Variants in CA10 observed in about 807,000 individuals in gnomAD.
CA10 encodes carbonic anhydrase 10 (inactive).
CA10 carries 14 observed loss-of-function variants against 44.2 expected under a neutral mutation model. The ratio of observed to expected loss-of-function variants is 0.32; its 90% CI spans 0.21 to 0.50. The LOEUF (loss-of-function observed/expected upper bound fraction) is 0.50. Among genes scored for constraint, CA10 ranks in the 20% least tolerant of loss-of-function variants. The probability of loss-of-function intolerance (pLI) is 0.99; values close to 1 mark genes in which losing one functional copy is unlikely to be tolerated. For synonymous variants in CA10, 159 were observed against 141.6 expected (o/e 1.12, Z -0.87); for missense variants, 350 against 409.7 (o/e 0.85, Z 1.26).
chr17:51,809,611 G>A (rs16950555), intron 3 of CA10, among the ~76,000 whole-genome samples: 3,812 of 152,236 alleles, frequency 0.025, 153 homozygotes, highest in African/African-American at 0.086. Flanking sequence ...TGATACAGAC[G>A]ACGGATGCTG....
chr17:51,732,141 C>T (rs188478819), intron 4 of CA10, among the ~76,000 whole-genome samples: 37 of 152,262 alleles, frequency 2.4e-4, no homozygotes, highest in African/African-American at 7.5e-4. Flanking sequence ...CTAATGTTAA[C>T]GCCTGAGCAA....
At chr17:51,712,761 G>T (rs1158278770) in intron 4 of CA10, among the ~76,000 whole-genome samples, 1 of 152,218 alleles carries the variant, frequency 6.6e-6, no homozygotes, top group Non-Finnish European at 1.5e-5. Context: ...AATAAAACAG[G>T]TGTTGGCCAT....
At chr17:52,027,210 C>T (rs182144154) in intron 2 of CA10, among the ~76,000 whole-genome samples, 29 of 152,130 alleles carry the variant, frequency 1.9e-4, no homozygotes, top group African/African-American at 6.5e-4. Flanking sequence ...GAATCTAATG[C>T]AGCTACTGAT....
chr17:51,650,105 T>C (rs1055304721), intron 5 of CA10, among the ~76,000 whole-genome samples: 3 of 152,176 alleles, frequency 2.0e-5, no homozygotes, highest in Non-Finnish European at 4.4e-5. Flanking sequence ...TATGCCCTTA[T>C]AGCTTCAAAT....
At chr17:51,881,731 A>C (rs1980385352) in intron 3 of CA10, among the ~76,000 whole-genome samples, 1 of 152,204 alleles carries the variant, frequency 6.6e-6, no homozygotes, top group African/African-American at 2.4e-5. Flanking sequence ...TTCCCATATT[A>C]AGTTGTCAAA....
At chr17:51,769,958 A>G (rs1182158549) in intron 3 of CA10, among the ~76,000 whole-genome samples, 1 of 152,106 alleles carries the variant, frequency 6.6e-6, no homozygotes, top group Non-Finnish European at 1.5e-5. Flanking sequence ...CTGAGGCCAT[A>G]AAGTTGCTAC....
chr17:51,776,319 G>A (rs549284445), intron 3 of CA10, among the ~76,000 whole-genome samples: 1 of 152,102 alleles, frequency 6.6e-6, no homozygotes, highest in Non-Finnish European at 1.5e-5. Context: ...AGATTGTAGT[G>A]GGTTGAGAAT....
At chr17:52,043,923 G>T (rs1244200742) in intron 2 of CA10, among the ~76,000 whole-genome samples, 1 of 152,056 alleles carries the variant, frequency 6.6e-6, no homozygotes, top group Non-Finnish European at 1.5e-5. Context: ...CAGGGTGTAT[G>T]ATTCTATTAA....
chr17:51,921,990 A>T (rs560373121), intron 3 of CA10, among the ~76,000 whole-genome samples: 1 of 152,182 alleles, frequency 6.6e-6, no homozygotes, highest in Non-Finnish European at 1.5e-5. Flanking sequence ...TAATGCAAAC[A>T]TTAGTTTCTC....
At chr17:51,662,927 A>C (rs1379234422) in intron 4 of CA10, among the ~76,000 whole-genome samples, 1 of 152,172 alleles carries the variant, frequency 6.6e-6, no homozygotes. Context: ...GAGTTTGCAC[A>C]AATGTAGAGT....
At chr17:51,895,643 A>C (rs560737355) in intron 3 of CA10, among the ~76,000 whole-genome samples, 3 of 152,130 alleles carry the variant, frequency 2.0e-5, no homozygotes, top group Non-Finnish European at 4.4e-5. Context: ...GAAGAGGCAC[A>C]AAGTAAAAAA....
At chr17:51,641,217 A>C (rs1171041111) in intron 6 of CA10, among the ~76,000 whole-genome samples, 1 of 151,712 alleles carries the variant, frequency 6.6e-6, no homozygotes, top group Admixed American at 6.6e-5. Context: ...CATATGAGAA[A>C]ATAGCTTATA....
At chr17:52,109,596 G>T (rs1475399257) in intron 1 of CA10, among the ~76,000 whole-genome samples, 1 of 152,200 alleles carries the variant, frequency 6.6e-6, no homozygotes. Context: ...TCTGAGGACT[G>T]TAGACAAAAT....
At chr17:51,910,447 T>C (rs1337128371) in intron 3 of CA10, among the ~76,000 whole-genome samples, 1 of 151,998 alleles carries the variant, frequency 6.6e-6, no homozygotes, top group Non-Finnish European at 1.5e-5. Context: ...TCCACAAGAG[T>C]TGTTATGGCT....
chr17:51,766,986 A>T (rs1054687683), intron 3 of CA10, among the ~76,000 whole-genome samples: 2 of 152,204 alleles, frequency 1.3e-5, no homozygotes, highest in African/African-American at 2.4e-5. Context: ...AAGTCTTGGG[A>T]GGTGCCTTGG....
At chr17:51,864,966 C>G (rs1979478855) in intron 3 of CA10, among the ~76,000 whole-genome samples, 1 of 152,136 alleles carries the variant, frequency 6.6e-6, no homozygotes, top group Admixed American at 6.5e-5. Context: ...AGATGTTGTG[C>G]TGGGTGCCAA....
chr17:51,799,567 G>A (rs1341888028), intron 3 of CA10, among the ~76,000 whole-genome samples: 1 of 152,042 alleles, frequency 6.6e-6, no homozygotes, highest in Non-Finnish European at 1.5e-5. Context: ...CTAAGTTCAG[G>A]GTCAAAAGGA....
chr17:51,856,063 C>A (rs1001408553), intron 3 of CA10, among the ~76,000 whole-genome samples: 1 of 152,120 alleles, frequency 6.6e-6, no homozygotes, highest in Non-Finnish European at 1.5e-5. Flanking sequence ...AATGTGCAAG[C>A]CTTAAGCTGA....
At chr17:52,072,522 C>A (rs1987706575) in intron 1 of CA10, 129 bp from the exon 2 acceptor site, 5 of 524,804 alleles carry the variant, frequency 9.5e-6, no homozygotes, top group South Asian at 2.7e-5. Flanking sequence ...TACAACAGAA[C>A]CTTCCTTCTC....
Sources: allele counts gnomAD v4.1 joint callset (sites outside exome capture counted in the v4.1 genomes callset), GRCh38; gene constraint gnomAD v4.1.1; transcripts MANE v1.5; gene names NCBI Gene and HGNC (gene_info 2026-07-23, HGNC 2026-07-21).